Variants in SIK3 observed in about 807,000 individuals in gnomAD.
The protein encoded by SIK3 is SIK family kinase 3, also known as serine/threonine-protein kinase SIK3.
SIK3 carries 28 observed loss-of-function variants against 144.2 expected under a neutral mutation model. The observed-to-expected ratio is 0.19, with a 90% CI of 0.14 to 0.27. The LOEUF is 0.27. Ranked by LOEUF, SIK3 falls within the 10% of genes least tolerant of loss-of-function variation. SIK3 has a pLI of 1.00. For synonymous variants in SIK3, 686 were observed against 676.3 expected, an observed-to-expected ratio of 1.01 and a Z score of -0.22; for missense variants, 1,319 against 1,776.0, an observed-to-expected ratio of 0.74 and a Z score of 4.62.
At chr11:116,897,359 T>G in intron 4 of SIK3, 42 bp from the exon 5 acceptor site, 1 of 1,570,216 alleles carries the variant, frequency 6.4e-7, no homozygotes, top group Admixed American at 1.8e-5. Flanking sequence ...TTGTAACCTT[T>G]TATTATAACT....
chr11:117,078,208 T>C (rs547236301), intron 1 of SIK3, among the ~76,000 whole-genome samples: 47 of 152,162 alleles, frequency 3.1e-4, no homozygotes, highest in Non-Finnish European at 6.0e-4. Context: ...AAGAGAATGC[T>C]GTATTTCAGA....
chr11:116,897,316 A>G lies in SIK3; in HGVS notation c.618T>C (p.Asp206=). The G allele has an allele frequency of 6.2e-7, 1 of 1,613,330 alleles. No individual in the cohort carries two copies. The highest frequency in any genetic ancestry group is 8.5e-7 in the Non-Finnish European group (1 of 1,179,598). ...LDANLNIKIA[D]FGFSNLFTPG... ...GAGTGAAGAGGTTACTGAAACCAAA[A>G]TCTAGAAAGGCAAATGGACATAATT... The change falls in exon 5 of 25, where the codon GAT becomes GAC. Residue 206 remains aspartate (D), a splice_region_variant and synonymous_variant. Coordinates refer to ENST00000445177, the MANE Select transcript of SIK3 (RefSeq NM_001366686.3).
chr11:116,928,273 T>G (rs1315520345), intron 3 of SIK3, among the ~76,000 whole-genome samples: 1 of 152,212 alleles, frequency 6.6e-6, no homozygotes, highest in Non-Finnish European at 1.5e-5. Context: ...ACTCAGTTCT[T>G]TATCAAACCA....
Position 116,875,910 on chromosome 11 carries a change from T to C in SIK3, c.1195A>G (p.Ser399Gly). 6.2e-7 allele frequency: 1 copy of C among 1,612,278 alleles called. No individual in the cohort carries two copies. The highest frequency in any genetic ancestry group is 8.5e-7 in the Non-Finnish European group (1 of 1,179,468). ...TGAAAGGCCAGGGCTCGGGGCATGCTAGGAAGTGCTCCGAGACGCAGGGTT... is the reference window on the plus strand; with the variant it reads ...TGAAAGGCCAGGGCTCGGGGCATGCCAGGAAGTGCTCCGAGACGCAGGGTT... ...HKTLRLGALP[S>G]MPRALAFQAP... is the part of the protein sequence containing the mutation. Residue 399 changes from serine (S) to glycine (G), a missense_variant, in exon 9 of 25, where the codon AGC (serine) becomes GGC (glycine). Ser to Gly is a moderately conservative substitution (Grantham distance 56, BLOSUM62 0). Around this residue, in one of 8 missense-constraint regions of SIK3, gnomAD observed 109 missense variants for 109.3 expected, o/e 1.00. Transcript: ENST00000445177.
chr11:116,973,961 C>A (rs761495387), intron 1 of SIK3, among the ~76,000 whole-genome samples: 2 of 152,078 alleles, frequency 1.3e-5, no homozygotes, highest in Non-Finnish European at 1.5e-5. Flanking sequence ...AAGATCCTGA[C>A]ACAGAAAAAG....
chr11:116,916,873 G>A (rs1156608991), intron 4 of SIK3, among the ~76,000 whole-genome samples: 1 of 151,998 alleles, frequency 6.6e-6, no homozygotes, highest in Non-Finnish European at 1.5e-5. Context: ...GGGAGGCTGA[G>A]GCAGGAAGAT....
intron 1 of SIK3, among the ~76,000 whole-genome samples, chr11:117,047,074 A>G (rs535329161): frequency 6.6e-6 from 1 of 152,332 alleles, no homozygotes; most frequent in African/African-American, 2.4e-5. Context: ...AGTATTTAAT[A>G]TAACTTTTAT....
At chr11:116,923,571 T>C (rs1410607487) in intron 4 of SIK3, among the ~76,000 whole-genome samples, 6 of 152,206 alleles carry the variant, frequency 3.9e-5, no homozygotes, top group Non-Finnish European at 5.9e-5. Context: ...AGGCAATGAC[T>C]GAGAAACTGA....
At chr11:116,857,591 G>T (rs1943022428) in intron 21 of SIK3, 1 of 673,346 alleles carries the variant, frequency 1.5e-6, no homozygotes, top group Admixed American at 3.6e-5. Context: ...CTATCTTATT[G>T]ACTAAGTGTT....
chr11:117,023,615 AAAAAAAAT>A (rs1169699499), intron 1 of SIK3, among the ~76,000 whole-genome samples: 1,215 of 103,970 alleles, frequency 0.012, 44 homozygotes, highest in African/African-American at 0.06. Context: ...CAAACAAAAA[AAAAAAAAT>A]ATATATATAT....
intron 12 of SIK3, 51 bp from the exon 13 acceptor site, chr11:116,873,687 G>A: frequency 2.0e-6 from 3 of 1,516,964 alleles, no homozygotes; most frequent in Non-Finnish European, 2.6e-6. Context: ...GGGAAGGCGG[G>A]GAGAAAGGGG....
At chr11:116,983,802 C>T (rs778710376) in intron 1 of SIK3, among the ~76,000 whole-genome samples, 1 of 152,072 alleles carries the variant, frequency 6.6e-6, no homozygotes, top group African/African-American at 2.4e-5. Flanking sequence ...AAAGGAAGGC[C>T]GGGCATGAGG....
intron 1 of SIK3, among the ~76,000 whole-genome samples, chr11:116,999,733 T>C (rs1485977395): frequency 6.6e-6 from 1 of 152,180 alleles, no homozygotes; most frequent in East Asian, 1.9e-4. Flanking sequence ...CCCATTTTCA[T>C]TTGTTTTCTC....
At chr11:116,993,968 C>T (rs1950578489) in intron 1 of SIK3, among the ~76,000 whole-genome samples, 2 of 152,172 alleles carry the variant, frequency 1.3e-5, no homozygotes, top group Non-Finnish European at 2.9e-5. Context: ...TGTTTGTGTG[C>T]ATGTATTCTT....
intron 1 of SIK3, among the ~76,000 whole-genome samples, chr11:117,070,660 G>C (rs1040270800): frequency 9.2e-5 from 14 of 151,836 alleles, no homozygotes; most frequent in African/African-American, 3.4e-4. Context: ...TGGCCAGGCT[G>C]GTCTCGAACT....
intron 1 of SIK3, among the ~76,000 whole-genome samples, chr11:117,032,606 A>C (rs1952310333): frequency 6.6e-6 from 1 of 151,784 alleles, no homozygotes; most frequent in African/African-American, 2.4e-5. Context: ...TCCCGGGCTC[A>C]AGCAATCCTC....
intron 4 of SIK3, among the ~76,000 whole-genome samples, chr11:116,919,381 C>A (rs1946837864): frequency 2.0e-5 from 3 of 152,158 alleles, no homozygotes; most frequent in Admixed American, 2.0e-4. Flanking sequence ...TCTGAAAATT[C>A]TTTCCAGGAT....
At chr11:116,861,135 GCAGCT>G in intron 19 of SIK3, 134 bp downstream of exon 19, 1 of 677,322 alleles carries the variant, frequency 1.5e-6, no homozygotes, top group East Asian at 3.2e-5. Flanking sequence ...GCAAACCAAA[GCAGCT>G]TGGCTCTAGA....
At chr11:116,998,509 G>A (rs529980007) in intron 1 of SIK3, among the ~76,000 whole-genome samples, 128 of 149,390 alleles carry the variant, frequency 8.6e-4, no homozygotes, top group Non-Finnish European at 1.5e-3. Flanking sequence ...ACCGCTCTTG[G>A]AAAAATATCT....
Sources: allele counts gnomAD v4.1 joint callset (sites outside exome capture counted in the v4.1 genomes callset), GRCh38; gene constraint gnomAD v4.1.1; regional missense constraint gnomAD v4.1.1; transcripts MANE v1.5; gene names NCBI Gene and HGNC (gene_info 2026-07-23, HGNC 2026-07-21).